Variants in RBM6 observed in about 807,000 individuals in gnomAD.
The protein encoded by RBM6 is RNA-binding protein 6.
A neutral mutation model predicts 140.4 loss-of-function variants in RBM6; 23 were observed. The ratio of observed to expected loss-of-function variants is 0.16; its 90% confidence interval spans 0.12 to 0.23. RBM6 has a LOEUF of 0.23. Among genes scored for constraint, RBM6 ranks in the 10% least tolerant of loss-of-function variants. The pLI is 1.00. For missense variants in RBM6, 1,139 were observed against 1,386.7 expected (o/e 0.82, Z 2.84); for synonymous variants, 439 against 475.6 (o/e 0.92, Z 1.00).
At chr3:50,015,634 AT>A (rs1408467805) in intron 6 of RBM6, among the ~76,000 whole-genome samples, 1 of 150,930 alleles carries the variant, frequency 6.6e-6, no homozygotes, top group Admixed American at 6.6e-5. Context: ...GGGTTTCACC[AT>A]GTTAGCCAGG....
At chr3:50,065,758 CATT>C (rs2090102015) in intron 16 of RBM6, 2 of 415,334 alleles carry the variant, frequency 4.8e-6, no homozygotes, top group African/African-American at 2.0e-5. Context: ...TAATTCAGCT[CATT>C]GTGGCATCTG....
At chr3:50,014,139 A>G (rs1274236512) in intron 6 of RBM6, among the ~76,000 whole-genome samples, 1 of 152,194 alleles carries the variant, frequency 6.6e-6, no homozygotes, top group Non-Finnish European at 1.5e-5. Context: ...ATAATCAGTT[A>G]TCTCTTTCCT....
At chr3:49,962,439 A>G in intron 1 of RBM6, 137 bp from the exon 2 acceptor site, 1 of 564,204 alleles carries the variant, frequency 1.8e-6, no homozygotes, top group East Asian at 3.2e-5. Flanking sequence ...CTCAAAAAAA[A>G]AAAAGAAAAG....
chr3:49,960,379 A>G (rs934177147), intron 1 of RBM6, among the ~76,000 whole-genome samples: 3 of 152,166 alleles, frequency 2.0e-5, no homozygotes, highest in Non-Finnish European at 2.9e-5. Flanking sequence ...AAAACTGTCA[A>G]ATTTGGTTCA....
chr3:50,070,548 G>A lies in RBM6; in HGVS notation c.3112G>A (p.Asp1038Asn), dbSNP rs1232164520. 1 of 1,611,438 alleles carries A rather than the reference G, an allele frequency of 6.2e-7. No homozygotes were observed. The highest frequency in any genetic ancestry group is 2.2e-5 in the East Asian group (1 of 44,862). The change falls in exon 19 of 21, where the codon GAC (aspartate) becomes AAC (asparagine). Residue 1038 changes from aspartate to asparagine, a missense_variant. Coordinates refer to ENST00000266022, the MANE Select transcript of RBM6 (RefSeq NM_005777.3). The stretch of plus-strand genomic sequence containing the variant: ...ACGGATTAAGTACTCCAGGGAAACT[G>A]ACAGGTAAGCCAGGAACTCTTCATT... ...RKRIKYSRET[D>N]SDRKLVDKED...
intron 5 of RBM6, among the ~76,000 whole-genome samples, chr3:49,987,583 C>T (rs2085621664): frequency 6.6e-6 from 1 of 151,924 alleles, no homozygotes; most frequent in African/African-American, 2.4e-5. Context: ...TCCCAAAGTC[C>T]TGGGATTACG....
At chr3:50,065,965 T>C (rs1231838230) in intron 16 of RBM6, among the ~76,000 whole-genome samples, 1 of 152,238 alleles carries the variant, frequency 6.6e-6, no homozygotes, top group Non-Finnish European at 1.5e-5. Flanking sequence ...TTGTAACCTT[T>C]TACTATTTTC....
chr3:50,023,948 G>A (rs1051688663), intron 6 of RBM6, among the ~76,000 whole-genome samples: 5 of 151,904 alleles, frequency 3.3e-5, no homozygotes, highest in African/African-American at 7.3e-5. Flanking sequence ...GCTCCCAGCC[G>A]GGTGTGATAT....
chr3:50,021,740 C>CTTATTTT (rs2087492714), intron 6 of RBM6, among the ~76,000 whole-genome samples: 1 of 42,732 alleles, frequency 2.3e-5, no homozygotes, highest in Non-Finnish European at 4.1e-5. Context: ...AATTTAAGTG[C>CTTATTTT]TTTTTTTTTT....
At chr3:50,059,776 C>G in intron 11 of RBM6, 30 bp downstream of exon 11, 1 of 1,548,588 alleles carries the variant, frequency 6.5e-7, no homozygotes, top group Non-Finnish European at 8.8e-7. Context: ...ATCTCTTGTG[C>G]TGCCCCCACT....
intron 1 of RBM6, among the ~76,000 whole-genome samples, chr3:49,961,857 G>A (rs1196974770): frequency 6.6e-6 from 1 of 150,664 alleles, no homozygotes; most frequent in Non-Finnish European, 1.5e-5. Flanking sequence ...TGATGTAAGT[G>A]TTTGAAAGTG....
chr3:50,000,380 A>T (rs1575653141), intron 6 of RBM6, among the ~76,000 whole-genome samples: 4 of 124,592 alleles, frequency 3.2e-5, no homozygotes, highest in Non-Finnish European at 6.5e-5. Context: ...CACTGCCTAT[A>T]CTTAACAGTG....
intron 1 of RBM6, among the ~76,000 whole-genome samples, chr3:49,953,498 G>T (rs1282406567): frequency 6.6e-6 from 1 of 150,842 alleles, no homozygotes; most frequent in African/African-American, 2.4e-5. Flanking sequence ...GATTACAGGT[G>T]TGAGTGTGAG....
At chr3:49,973,646 C>T (rs1394495922) in intron 4 of RBM6, among the ~76,000 whole-genome samples, 2 of 143,340 alleles carry the variant, frequency 1.4e-5, no homozygotes, top group African/African-American at 5.3e-5. Flanking sequence ...AGTGCAGTGG[C>T]GCGATCTCGG....
intron 1 of RBM6, among the ~76,000 whole-genome samples, chr3:49,946,900 A>C (rs180812703): frequency 5.6e-5 from 8 of 143,960 alleles, no homozygotes; most frequent in African/African-American, 1.8e-4. Context: ...GTGGTATCTT[A>C]TTGTGGTTTC....
At chr3:50,054,722 G>T (rs763411580) in intron 8 of RBM6, among the ~76,000 whole-genome samples, 1 of 152,082 alleles carries the variant, frequency 6.6e-6, no homozygotes, top group Non-Finnish European at 1.5e-5. Context: ...CACCATGTTG[G>T]TCAGGCTGGC....
chr3:50,068,489 T>C (rs2090187738), intron 17 of RBM6, among the ~76,000 whole-genome samples: 1 of 152,220 alleles, frequency 6.6e-6, no homozygotes, highest in East Asian at 1.9e-4. Flanking sequence ...TAAAATGATA[T>C]TCCTCTTATG....
chr3:50,014,258 C>T (rs908170412), intron 6 of RBM6, among the ~76,000 whole-genome samples: 6 of 152,160 alleles, frequency 3.9e-5, no homozygotes, highest in African/African-American at 9.7e-5. Flanking sequence ...CTACCAGTCA[C>T]GAGCTTAGCC....
chr3:49,997,164 CT>C (rs1048582784), intron 5 of RBM6, among the ~76,000 whole-genome samples: 277 of 144,056 alleles, frequency 1.9e-3, no homozygotes, highest in Middle Eastern at 3.5e-3. Flanking sequence ...CACAGAATAC[CT>C]TTTTTTTTTT....
Sources: gnomAD v4.1 joint callset for allele counts (sites outside exome capture counted in the v4.1 genomes callset) on GRCh38, gnomAD v4.1.1 for gene constraint, MANE v1.5 for transcripts, NCBI Gene and HGNC (gene_info 2026-07-23, HGNC 2026-07-21) for gene names.